NTM: variants seen among roughly 807,000 people sequenced by gnomAD.
NTM encodes the protein IgLON family member 2.
A neutral mutation model predicts 42.1 loss-of-function variants in NTM; 13 were observed. That is an observed-to-expected ratio of 0.31 (90% CI 0.20 to 0.49). The LOEUF (loss-of-function observed/expected upper bound fraction) is 0.49, where lower values mean the gene tolerates loss of function less well. Ranked by LOEUF, NTM falls within the 20% of genes least tolerant of loss-of-function variation. NTM has a pLI of 0.99. For missense variants in NTM, 373 were observed against 452.8 expected, an observed-to-expected ratio of 0.82 and a Z score of 1.60; for synonymous variants, 187 against 179.2, an observed-to-expected ratio of 1.04 and a Z score of -0.35.
intron 3 of NTM, among the ~76,000 whole-genome samples, chr11:132,199,573 G>A (rs546367973): frequency 6.6e-6 from 1 of 152,230 alleles, no homozygotes; most frequent in South Asian, 2.1e-4. Flanking sequence ...CCATAGATAG[G>A]GGAGAAATTC....
intron 1 of NTM, among the ~76,000 whole-genome samples, chr11:131,666,616 A>G (rs1025843329): frequency 6.6e-6 from 1 of 152,284 alleles, no homozygotes; most frequent in East Asian, 1.9e-4. Flanking sequence ...GGAGATGCCT[A>G]TGATCTCTGG....
At chr11:132,077,522 C>A (rs933683636) in intron 2 of NTM, among the ~76,000 whole-genome samples, 2 of 152,114 alleles carry the variant, frequency 1.3e-5, no homozygotes, top group African/African-American at 4.8e-5. Context: ...CACTATCTAA[C>A]CCCCATCACA....
chr11:132,039,829 G>T (rs536366245), intron 2 of NTM, among the ~76,000 whole-genome samples: 1 of 144,190 alleles, frequency 6.9e-6, no homozygotes, highest in Non-Finnish European at 1.6e-5. Flanking sequence ...CGCAGTTTCC[G>T]CACCAGTAAA....
intron 1 of NTM, among the ~76,000 whole-genome samples, chr11:131,425,393 G>C (rs1368716439): frequency 6.6e-6 from 1 of 152,076 alleles, no homozygotes. Flanking sequence ...ATCAATAGCA[G>C]CTCTTTGATG....
At chr11:132,176,815 G>A (rs1471887513) in intron 3 of NTM, among the ~76,000 whole-genome samples, 1 of 136,668 alleles carries the variant, frequency 7.3e-6, no homozygotes, top group Admixed American at 8.6e-5. Flanking sequence ...TGCAACCTCT[G>A]CCTCCTCAGT....
At chr11:132,235,645 C>T (rs2088668926) in intron 4 of NTM, among the ~76,000 whole-genome samples, 1 of 152,120 alleles carries the variant, frequency 6.6e-6, no homozygotes, top group Non-Finnish European at 1.5e-5. Context: ...CAGGCTGAGC[C>T]ACATGGGGCT....
chr11:132,004,589 C>A (rs544077755), intron 2 of NTM, among the ~76,000 whole-genome samples: 1 of 137,230 alleles, frequency 7.3e-6, no homozygotes, highest in South Asian at 2.4e-4. Flanking sequence ...AAAGAAGTTT[C>A]TCTCTCTTTC....
chr11:132,181,955 T>TTTATTATTATTA (rs56263428), intron 3 of NTM, among the ~76,000 whole-genome samples: 11,058 of 140,914 alleles, frequency 0.078, 569 homozygotes, highest in Non-Finnish European at 0.11. Flanking sequence ...CACTATCTAG[T>TTTATTATTATTA]TTATTATTAT....
At chr11:132,236,189 C>T (rs1018644816) in intron 4 of NTM, among the ~76,000 whole-genome samples, 1 of 152,124 alleles carries the variant, frequency 6.6e-6, no homozygotes, top group Non-Finnish European at 1.5e-5. Flanking sequence ...GTGAAGTGCT[C>T]TACATCTGTG....
At chr11:132,325,553 T>C (rs1045741187) in intron 7 of NTM, among the ~76,000 whole-genome samples, 1 of 151,892 alleles carries the variant, frequency 6.6e-6, no homozygotes. Context: ...ATAGGAACAC[T>C]TTTACACTGT....
At chr11:131,789,106 A>T (rs10791168) in intron 1 of NTM, among the ~76,000 whole-genome samples, 1 of 151,690 alleles carries the variant, frequency 6.6e-6, no homozygotes, top group East Asian at 2.0e-4. Context: ...TTGACCGAAT[A>T]CAGGAGTCTA....
At chr11:131,732,358 C>CT (rs2079806288) in intron 1 of NTM, among the ~76,000 whole-genome samples, 1 of 152,148 alleles carries the variant, frequency 6.6e-6, no homozygotes, top group South Asian at 2.1e-4. Context: ...AATCCATCAC[C>CT]TTTTTACCAC....
chr11:132,173,757 G>C (rs1247689443), intron 3 of NTM, among the ~76,000 whole-genome samples: 4 of 152,176 alleles, frequency 2.6e-5, no homozygotes, highest in African/African-American at 9.7e-5. Context: ...AATGGAGAGT[G>C]GAGCTAGGAC....
chr11:131,870,790 C>A (rs778453838), intron 1 of NTM, among the ~76,000 whole-genome samples: 1 of 152,174 alleles, frequency 6.6e-6, no homozygotes, highest in African/African-American at 2.4e-5. Flanking sequence ...AAATAACCCA[C>A]ATGTACTACC....
At chr11:131,475,161 G>A (rs111529771) in intron 1 of NTM, among the ~76,000 whole-genome samples, 284 of 152,264 alleles carry the variant, frequency 1.9e-3, no homozygotes, top group Non-Finnish European at 3.2e-3. Context: ...GGGCCCGGTT[G>A]GTTATAGATA....
intron 3 of NTM, among the ~76,000 whole-genome samples, chr11:132,175,681 G>C (rs2076704302): frequency 6.6e-6 from 1 of 151,710 alleles, no homozygotes; most frequent in Non-Finnish European, 1.5e-5. Flanking sequence ...TCCACCTCCT[G>C]GGTTCACTTC....
intron 2 of NTM, among the ~76,000 whole-genome samples, chr11:132,130,427 G>A (rs2066611986): frequency 1.3e-5 from 2 of 152,126 alleles, no homozygotes; most frequent in Non-Finnish European, 2.9e-5. Context: ...ATTACAATGA[G>A]AGGAGCAATC....
chr11:131,522,767 G>A (rs953355582), intron 1 of NTM, among the ~76,000 whole-genome samples: 4 of 152,188 alleles, frequency 2.6e-5, no homozygotes, highest in Non-Finnish European at 5.9e-5. Flanking sequence ...AGAGCAGCAA[G>A]CATGATCTTA....
intron 2 of NTM, among the ~76,000 whole-genome samples, chr11:131,980,778 G>A (rs1319816292): frequency 6.6e-6 from 1 of 152,154 alleles, no homozygotes; most frequent in African/African-American, 2.4e-5. Flanking sequence ...AAACAAATAA[G>A]TACAATCCGG....
Sources: allele counts gnomAD v4.1 joint callset (sites outside exome capture counted in the v4.1 genomes callset), GRCh38; gene constraint gnomAD v4.1.1; transcripts MANE v1.5; gene names NCBI Gene and HGNC (gene_info 2026-07-23, HGNC 2026-07-21).